The following PTPRD variants were observed in gnomAD, a reference collection of about 807,000 sequenced individuals.
PTPRD encodes receptor-type tyrosine-protein phosphatase delta.
In PTPRD, 34 loss-of-function variants were observed where a neutral mutation model predicts 214.5. That is an observed-to-expected ratio of 0.16 (90% confidence interval 0.12 to 0.21). PTPRD has a LOEUF of 0.21. PTPRD is among the 10% of genes least tolerant of loss of function. The pLI is 1.00. For synonymous variants in PTPRD, 1,128 were observed against 845.7 expected (o/e 1.33, Z -5.79); for missense variants, 2,545 against 2,398.7 (o/e 1.06, Z -1.27).
chr9:10,493,125 C>T (rs1255453870), intron 2 of PTPRD, among the ~76,000 whole-genome samples: 2 of 152,068 alleles, frequency 1.3e-5, no homozygotes, highest in South Asian at 2.1e-4. Context: ...AAAATCATCT[C>T]ATGCTTATGG....
intron 3 of PTPRD, among the ~76,000 whole-genome samples, chr9:10,116,398 C>T (rs2098731574): frequency 6.6e-6 from 1 of 152,124 alleles, no homozygotes; most frequent in Non-Finnish European, 1.5e-5. Flanking sequence ...GTCATATTCA[C>T]AGTATCTGTT....
chr9:9,558,181 C>T (rs570359041), intron 8 of PTPRD, among the ~76,000 whole-genome samples: 1 of 152,318 alleles, frequency 6.6e-6, no homozygotes, highest in East Asian at 1.9e-4. Context: ...TTGAGCCGAG[C>T]TGAACCTCAA....
chr9:8,389,080 T>G, intron 37 of PTPRD, 152 bp downstream of exon 37: 1 of 525,162 alleles, frequency 1.9e-6, no homozygotes, highest in Non-Finnish European at 3.1e-6. Context: ...TAAAGAATGG[T>G]TTAATTAGAG....
chr9:9,790,756 A>G (rs923953216), intron 5 of PTPRD, among the ~76,000 whole-genome samples: 2 of 152,182 alleles, frequency 1.3e-5, no homozygotes, highest in African/African-American at 4.8e-5. Flanking sequence ...TCATATTAAA[A>G]TTGTCTAATG....
chr9:9,548,858 T>C (rs1029960112), intron 8 of PTPRD, among the ~76,000 whole-genome samples: 2 of 152,028 alleles, frequency 1.3e-5, no homozygotes, highest in Non-Finnish European at 2.9e-5. Flanking sequence ...ACTTCAAAAA[T>C]AAATGAAGCA....
chr9:9,648,653 C>T (rs1335047638), intron 7 of PTPRD, among the ~76,000 whole-genome samples: 1 of 152,146 alleles, frequency 6.6e-6, no homozygotes, highest in Non-Finnish European at 1.5e-5. Flanking sequence ...GGAGTTGTAG[C>T]ACAAAACCAT....
chr9:8,576,932 G>A (rs771288614), intron 14 of PTPRD, among the ~76,000 whole-genome samples: 1 of 152,158 alleles, frequency 6.6e-6, no homozygotes, highest in African/African-American at 2.4e-5. Context: ...ACTGTCAGCA[G>A]AGCCATCTGG....
At chr9:10,391,809 G>C (rs1305285680) in intron 2 of PTPRD, among the ~76,000 whole-genome samples, 1 of 151,736 alleles carries the variant, frequency 6.6e-6, no homozygotes, top group African/African-American at 2.4e-5. Context: ...CCAGTATCCA[G>C]ATCCTTACTG....
chr9:9,357,719 A>T (rs1254972923), intron 9 of PTPRD, among the ~76,000 whole-genome samples: 1 of 140,986 alleles, frequency 7.1e-6, no homozygotes, highest in Non-Finnish European at 1.5e-5. Context: ...TAAAATAAAA[A>T]AAAAAAATGA....
intron 2 of PTPRD, among the ~76,000 whole-genome samples, chr9:10,440,335 T>G (rs1047818030): frequency 2.0e-5 from 3 of 151,774 alleles, no homozygotes; most frequent in Admixed American, 6.6e-5. Context: ...GTGCTATGAA[T>G]TTTTAAAAAG....
At chr9:8,504,456 C>G in intron 22 of PTPRD, 51 bp from the exon 23 acceptor site, 1 of 1,597,892 alleles carries the variant, frequency 6.3e-7, no homozygotes, top group Non-Finnish European at 8.6e-7. Flanking sequence ...CATGCAAATA[C>G]TTTTTAATCA....
chr9:9,492,735 G>C (rs149298025), intron 8 of PTPRD, among the ~76,000 whole-genome samples: 1,772 of 150,560 alleles, frequency 0.012, 33 homozygotes, highest in African/African-American at 0.041. Context: ...TTTTTTTCCA[G>C]ATTGGAGGTT....
At chr9:9,245,665 T>G (rs1369373439) in intron 9 of PTPRD, among the ~76,000 whole-genome samples, 1 of 152,058 alleles carries the variant, frequency 6.6e-6, no homozygotes, top group Non-Finnish European at 1.5e-5. Context: ...ATATACTTAA[T>G]GCTAAATGAT....
intron 3 of PTPRD, among the ~76,000 whole-genome samples, chr9:10,130,546 C>T (rs10119277): frequency 0.072 from 10,981 of 152,128 alleles, 462 homozygotes; most frequent in East Asian, 0.13. Flanking sequence ...GGGCATAACA[C>T]TTAGTCATCA....
intron 39 of PTPRD, among the ~76,000 whole-genome samples, chr9:8,357,668 T>C (rs1033548725): frequency 2.0e-5 from 3 of 152,148 alleles, no homozygotes; most frequent in Non-Finnish European, 4.4e-5. Context: ...GGACGCTATA[T>C]GGTGCATCCC....
intron 25 of PTPRD, among the ~76,000 whole-genome samples, chr9:8,497,543 T>C (rs2097303587): frequency 6.6e-6 from 1 of 152,204 alleles, no homozygotes; most frequent in African/African-American, 2.4e-5. Context: ...CAGAAAAAGT[T>C]AATGTTTCTA....
chr9:8,743,598 G>T (rs10977272), intron 11 of PTPRD, among the ~76,000 whole-genome samples: 88,543 of 151,820 alleles, frequency 0.58, 26,819 homozygotes, highest in South Asian at 0.71. Context: ...TACACAAATC[G>T]ACTGAAGATG....
intron 3 of PTPRD, among the ~76,000 whole-genome samples, chr9:10,271,629 G>C (rs766545538): frequency 2.8e-5 from 4 of 145,450 alleles, no homozygotes; most frequent in Admixed American, 7.3e-5. Flanking sequence ...TGCAACCTCC[G>C]CCTCCCAGGT....
At chr9:8,515,897 A>C (rs2097773793) in intron 21 of PTPRD, among the ~76,000 whole-genome samples, 1 of 152,174 alleles carries the variant, frequency 6.6e-6, no homozygotes, top group African/African-American at 2.4e-5. Flanking sequence ...ACACTCTATA[A>C]GGTGGTTATT....
Sources: gnomAD v4.1 joint callset for allele counts (sites outside exome capture counted in the v4.1 genomes callset) on GRCh38, gnomAD v4.1.1 for gene constraint, MANE v1.5 for transcripts, NCBI Gene and HGNC (gene_info 2026-07-23, HGNC 2026-07-21) for gene names.